BCAT1: variants seen among roughly 807,000 people sequenced by gnomAD.
BCAT1 encodes branched chain amino acid transaminase 1.
BCAT1 carries 48 observed loss-of-function variants against 52.4 expected under a neutral mutation model. The ratio of observed to expected loss-of-function variants is 0.92; its 90% CI spans 0.73 to 1.16. The LOEUF is 1.16. BCAT1 is among the 50% of genes most tolerant of loss of function. The pLI is 0.00. For synonymous variants in BCAT1, 167 were observed against 161.3 expected (o/e 1.04, Z -0.27); for missense variants, 451 against 457.1 (o/e 0.99, Z 0.12).
chr12:24,838,514 T>TACAC (rs35693867), intron 7 of BCAT1, among the ~76,000 whole-genome samples: 2 of 150,932 alleles, frequency 1.3e-5, no homozygotes, highest in Non-Finnish European at 2.9e-5. Context: ...TATATATATG[T>TACAC]ACACACACAC....
intron 3 of BCAT1, among the ~76,000 whole-genome samples, chr12:24,883,286 G>C (rs1942556170): frequency 6.6e-6 from 1 of 152,054 alleles, no homozygotes; most frequent in Admixed American, 6.5e-5. Context: ...ACTTCCTAAG[G>C]TTCAATTTAA....
chr12:24,872,352 T>C (rs1228896679), intron 5 of BCAT1, among the ~76,000 whole-genome samples: 1 of 152,234 alleles, frequency 6.6e-6, no homozygotes, highest in East Asian at 1.9e-4. Context: ...CAGCCTTTCT[T>C]CTGCCCACTC....
chr12:24,912,680 C>A (rs908256364), intron 1 of BCAT1, among the ~76,000 whole-genome samples: 3 of 137,274 alleles, frequency 2.2e-5, no homozygotes, highest in Non-Finnish European at 3.1e-5. Context: ...GCCTGGACAA[C>A]ACAGTGAGAC....
chr12:24,926,386 G>A (rs1244476881), intron 1 of BCAT1, among the ~76,000 whole-genome samples: 1 of 150,834 alleles, frequency 6.6e-6, no homozygotes. Context: ...GAGGTTGGGG[G>A]TGCCTCTGCC....
At chr12:24,846,667 C>T (rs1941352972) in intron 6 of BCAT1, among the ~76,000 whole-genome samples, 1 of 152,160 alleles carries the variant, frequency 6.6e-6, no homozygotes, top group South Asian at 2.1e-4. Context: ...TTGAGGATCC[C>T]TAATTTAAAA....
intron 3 of BCAT1, among the ~76,000 whole-genome samples, chr12:24,883,573 C>G (rs1942566524): frequency 6.6e-6 from 1 of 151,918 alleles, no homozygotes; most frequent in African/African-American, 2.4e-5. Context: ...TGCATTCCAG[C>G]CTAGGTGCTA....
intron 10 of BCAT1, among the ~76,000 whole-genome samples, chr12:24,818,772 G>A (rs924680812): frequency 3.3e-5 from 5 of 151,952 alleles, no homozygotes; most frequent in African/African-American, 1.2e-4. Context: ...CAAATACTTT[G>A]GTTTAAAAGC....
intron 1 of BCAT1, among the ~76,000 whole-genome samples, chr12:24,908,947 C>G (rs1358533196): frequency 6.6e-6 from 1 of 151,952 alleles, no homozygotes; most frequent in Non-Finnish European, 1.5e-5. Flanking sequence ...TGGGCAGTGA[C>G]GACACTCAAC....
chr12:24,850,236 T>G (rs1419723132), intron 5 of BCAT1, among the ~76,000 whole-genome samples: 1 of 152,208 alleles, frequency 6.6e-6, no homozygotes, highest in Non-Finnish European at 1.5e-5. Flanking sequence ...AGGACAGACA[T>G]ATTTCTAACA....
intron 1 of BCAT1, among the ~76,000 whole-genome samples, chr12:24,931,340 A>G (rs538799757): frequency 8.5e-5 from 13 of 152,280 alleles, no homozygotes; most frequent in Admixed American, 6.5e-4. Context: ...GGAGAGAAAA[A>G]TTAAATTAGA....
chr12:24,862,187 C>A (rs2883181), intron 5 of BCAT1, among the ~76,000 whole-genome samples: 30 of 152,184 alleles, frequency 2.0e-4, no homozygotes, highest in African/African-American at 7.2e-4. Flanking sequence ...TTTTCTTTCT[C>A]TACTTCTCTA....
chr12:24,931,926 A>G (rs1164894471), intron 1 of BCAT1, among the ~76,000 whole-genome samples: 1 of 152,192 alleles, frequency 6.6e-6, no homozygotes, highest in Non-Finnish European at 1.5e-5. Flanking sequence ...TCAGAGAGAA[A>G]CCAGCACAAA....
chr12:24,831,144 A>G (rs986947087), intron 9 of BCAT1, among the ~76,000 whole-genome samples: 1 of 152,228 alleles, frequency 6.6e-6, no homozygotes, highest in Non-Finnish European at 1.5e-5. Flanking sequence ...ATGATGGACA[A>G]TGAGGATGAA....
At chr12:24,831,475 C>A (rs1044171609) in intron 9 of BCAT1, among the ~76,000 whole-genome samples, 1 of 152,034 alleles carries the variant, frequency 6.6e-6, no homozygotes, top group African/African-American at 2.4e-5. Flanking sequence ...ATCTTGAAAC[C>A]CCGTCTCTAC....
chr12:24,840,642 G>A (rs1162182876), intron 7 of BCAT1, among the ~76,000 whole-genome samples: 1 of 152,144 alleles, frequency 6.6e-6, no homozygotes, highest in Non-Finnish European at 1.5e-5. Context: ...TTCTACCTCT[G>A]ACTGCAGTAT....
chr12:24,911,572 A>C (rs1316073255), intron 1 of BCAT1, among the ~76,000 whole-genome samples: 1 of 152,210 alleles, frequency 6.6e-6, no homozygotes. Context: ...CTGACATTCC[A>C]GTGGAGTCTG....
chr12:24,901,159 C>G (rs1489364121), intron 2 of BCAT1, among the ~76,000 whole-genome samples: 1 of 152,094 alleles, frequency 6.6e-6, no homozygotes, highest in Non-Finnish European at 1.5e-5. Flanking sequence ...CTCTCTGAAC[C>G]GCCAGGATGT....
chr12:24,924,272 G>A (rs990680802), intron 1 of BCAT1, among the ~76,000 whole-genome samples: 3 of 152,126 alleles, frequency 2.0e-5, no homozygotes, highest in Non-Finnish European at 4.4e-5. Context: ...CTTTACACAA[G>A]AATGCTACTC....
At chr12:24,945,834 A>AG (rs1161566980) in intron 1 of BCAT1, 1 of 152,194 alleles carries the variant, frequency 6.6e-6, no homozygotes, top group African/African-American at 2.4e-5. Flanking sequence ...AAAAAAGAAA[A>AG]GAAAAAAGAA....
Sources: gnomAD v4.1 joint callset for allele counts (sites outside exome capture counted in the v4.1 genomes callset) on GRCh38, gnomAD v4.1.1 for gene constraint, MANE v1.5 for transcripts, NCBI Gene and HGNC (gene_info 2026-07-23, HGNC 2026-07-21) for gene names.